DNAJC1: variants seen among roughly 807,000 people sequenced by gnomAD.
The protein encoded by DNAJC1 is DnaJ heat shock protein family (Hsp40) member C1.
A neutral mutation model predicts 76.6 loss-of-function variants in DNAJC1; 58 were observed. The observed-to-expected ratio is 0.76, with a 90% CI of 0.61 to 0.94. DNAJC1 has a LOEUF of 0.94. Ranked by LOEUF, DNAJC1 falls within the 40% of genes least tolerant of loss-of-function variation. The pLI is 0.00. For missense variants in DNAJC1, 689 were observed against 677.3 expected (o/e 1.02, Z -0.19); for synonymous variants, 258 against 267.9 (o/e 0.96, Z 0.36).
intron 8 of DNAJC1, among the ~76,000 whole-genome samples, chr10:21,816,355 TAGAA>T (rs1564795915): frequency 1.3e-5 from 2 of 151,798 alleles, no homozygotes; most frequent in African/African-American, 4.8e-5. Flanking sequence ...GCAAGACTTC[TAGAA>T]AGAAAGAAAT....
intron 6 of DNAJC1, among the ~76,000 whole-genome samples, chr10:21,910,658 T>C (rs1283761938): frequency 6.6e-6 from 1 of 151,758 alleles, no homozygotes; most frequent in Non-Finnish European, 1.5e-5. Context: ...TCAGGGCCTG[T>C]GGTGGGGTGG....
chr10:21,986,683 A>C (rs1838253545), intron 1 of DNAJC1, among the ~76,000 whole-genome samples: 1 of 152,152 alleles, frequency 6.6e-6, no homozygotes, highest in Admixed American at 6.5e-5. Context: ...TCCTGGGATA[A>C]ATTCCACTTG....
At chr10:21,871,432 T>C (rs1197277430) in intron 8 of DNAJC1, among the ~76,000 whole-genome samples, 2 of 151,904 alleles carry the variant, frequency 1.3e-5, no homozygotes, top group Non-Finnish European at 2.9e-5. Flanking sequence ...CAGGCATTTA[T>C]GAAAATCTCT....
chr10:21,836,023 G>T (rs1349051700), intron 8 of DNAJC1, among the ~76,000 whole-genome samples: 3 of 152,050 alleles, frequency 2.0e-5, no homozygotes, highest in Non-Finnish European at 2.9e-5. Flanking sequence ...ACACATAATT[G>T]TCACATTCAC....
In DNAJC1 at chr10:21,927,199, T is replaced by C. The variant is rs1837142331; in HGVS notation, c.371+1307A>G. On this transcript the variant is annotated intron_variant, in intron 3 of 11. Coordinates refer to ENST00000376980, the MANE Select transcript of DNAJC1 (RefSeq NM_022365.4). ...ATGTCTGCTATGGTATCTGGACCAATGCCAGCCCTTGTTATAAAGTGAAGA... is the reference window on the plus strand; with the variant it reads ...ATGTCTGCTATGGTATCTGGACCAACGCCAGCCCTTGTTATAAAGTGAAGA... Among the ~76,000 whole-genome samples the C allele has an allele frequency of 2.0e-5, 3 of 152,222 alleles. No individual in the cohort carries two copies. The South Asian group carries it at 6.2e-4, about 32-fold the overall frequency.
At chr10:21,908,455 A>G (rs1015809428) in intron 6 of DNAJC1, among the ~76,000 whole-genome samples, 6 of 139,426 alleles carry the variant, frequency 4.3e-5, no homozygotes, top group East Asian at 4.4e-4. Context: ...AATAAGATAA[A>G]TTGTTTTCAA....
At chr10:21,853,368 A>G (rs966871693) in intron 8 of DNAJC1, among the ~76,000 whole-genome samples, 1 of 152,152 alleles carries the variant, frequency 6.6e-6, no homozygotes, top group Admixed American at 6.5e-5. Flanking sequence ...CTATATATTG[A>G]TAAAGGGTCT....
chr10:21,853,357 A>G (rs753548369), intron 8 of DNAJC1, among the ~76,000 whole-genome samples: 8 of 152,114 alleles, frequency 5.3e-5, no homozygotes, highest in Non-Finnish European at 1.2e-4. Flanking sequence ...CTTTCATGGT[A>G]CTATATATTG....
intron 9 of DNAJC1, among the ~76,000 whole-genome samples, chr10:21,769,447 T>C (rs568646813): frequency 6.6e-6 from 1 of 152,280 alleles, no homozygotes; most frequent in East Asian, 1.9e-4. Flanking sequence ...AAATAATATA[T>C]CCAAGTTAAA....
intron 8 of DNAJC1, among the ~76,000 whole-genome samples, chr10:21,834,040 G>A (rs891611523): frequency 3.3e-5 from 5 of 151,914 alleles, no homozygotes; most frequent in Admixed American, 1.3e-4. Flanking sequence ...TGAGGTGGGC[G>A]GACCACGAGG....
intron 9 of DNAJC1, among the ~76,000 whole-genome samples, chr10:21,787,236 G>A (rs1326566625): frequency 2.0e-5 from 3 of 152,068 alleles, no homozygotes; most frequent in African/African-American, 4.8e-5. Context: ...GCTGAGGCAG[G>A]AGAATTGCTT....
chr10:21,762,227 ACGCC>A (rs1834249727), intron 10 of DNAJC1, among the ~76,000 whole-genome samples: 1 of 152,154 alleles, frequency 6.6e-6, no homozygotes, highest in Non-Finnish European at 1.5e-5. Context: ...ATGAGCCACC[ACGCC>A]CAGCCGAAAA....
chr10:21,807,783 C>A (rs1005590529), intron 8 of DNAJC1, among the ~76,000 whole-genome samples: 1 of 152,094 alleles, frequency 6.6e-6, no homozygotes, highest in African/African-American at 2.4e-5. Context: ...AAAAAGGTAG[C>A]CCACATTGGG....
In DNAJC1 at chr10:21,999,451, C is replaced by CTTTTTTTTT. The variant is rs140026558; in HGVS notation, c.222+3753_222+3761dup. Among the ~76,000 whole-genome samples the CTTTTTTTTT allele has an allele frequency of 7.4e-5, 7 of 94,034 alleles. 1 individual carries two copies. The highest frequency in any genetic ancestry group is 1.2e-4 in the Non-Finnish European group (6 of 51,804). 61.7% of individuals were successfully genotyped at this position (94,034 alleles called of 152,430 possible). ...TTGATTCCCCTCCATCTTCTTGACT[C>CTTTTTTTTT]TTTTTTTTTTTTTTTTTTTTTTGAG... is the stretch of plus-strand genomic sequence containing the variant. On this transcript the variant is annotated intron_variant, in intron 1 of 11. Transcript: ENST00000376980.
chr10:21,770,259 A>G (rs369974761), intron 9 of DNAJC1, among the ~76,000 whole-genome samples: 15 of 152,140 alleles, frequency 9.9e-5, no homozygotes, highest in African/African-American at 3.6e-4. Context: ...TTAATGACTG[A>G]TGCTGAGCAT....
At chr10:21,774,415 A>G (rs1358684632) in intron 9 of DNAJC1, among the ~76,000 whole-genome samples, 1 of 152,164 alleles carries the variant, frequency 6.6e-6, no homozygotes, top group African/African-American at 2.4e-5. Context: ...ACTCTCTAAC[A>G]TCTTAAAGTC....
intron 8 of DNAJC1, among the ~76,000 whole-genome samples, chr10:21,877,529 C>A (rs1407473198): frequency 2.0e-5 from 3 of 152,080 alleles, no homozygotes; most frequent in Admixed American, 6.5e-5. Flanking sequence ...TGGAAAGGCA[C>A]TTCACTTAGT....
At chr10:21,822,501 G>A (rs993053354) in intron 8 of DNAJC1, among the ~76,000 whole-genome samples, 4 of 151,688 alleles carry the variant, frequency 2.6e-5, no homozygotes, top group African/African-American at 7.2e-5. Flanking sequence ...ACATGGAGAC[G>A]ATCTAGTCTT....
At chr10:21,815,613 T>C (rs551968844) in intron 8 of DNAJC1, among the ~76,000 whole-genome samples, 8 of 152,180 alleles carry the variant, frequency 5.3e-5, no homozygotes, top group Non-Finnish European at 1.2e-4. Context: ...TCCTTAATGG[T>C]GTCTTTTGAA....
Sources: gnomAD v4.1 joint callset for allele counts (sites outside exome capture counted in the v4.1 genomes callset) on GRCh38, gnomAD v4.1.1 for gene constraint, MANE v1.5 for transcripts, NCBI Gene and HGNC (gene_info 2026-07-23, HGNC 2026-07-21) for gene names.